The following EBF1 variants were observed in gnomAD, a reference collection of about 807,000 sequenced individuals.
The protein encoded by EBF1 is EBF transcription factor 1.
A neutral mutation model predicts 68.4 loss-of-function variants in EBF1; 10 were observed. The ratio of observed to expected loss-of-function variants is 0.15; its 90% confidence interval spans 0.09 to 0.25. The LOEUF is 0.25. Among genes scored for constraint, EBF1 ranks in the 10% least tolerant of loss-of-function variants. The pLI is 1.00. For synonymous variants in EBF1, 298 were observed against 299.8 expected (o/e 0.99, Z 0.06); for missense variants, 509 against 794.4 (o/e 0.64, Z 4.32).
At chr5:158,797,657 C>T (rs1779827371) in intron 8 of EBF1, among the ~76,000 whole-genome samples, 1 of 152,136 alleles carries the variant, frequency 6.6e-6, no homozygotes, top group Non-Finnish European at 1.5e-5. Context: ...AATATTAAGT[C>T]CAGCCCGGTG....
intron 9 of EBF1, among the ~76,000 whole-genome samples, chr5:158,779,333 G>A (rs1775940374): frequency 6.6e-6 from 1 of 152,022 alleles, no homozygotes. Flanking sequence ...CAACACTGAT[G>A]CAGTTCAAAA....
intron 6 of EBF1, among the ~76,000 whole-genome samples, chr5:158,919,835 A>G (rs1435317091): frequency 6.6e-6 from 1 of 152,238 alleles, no homozygotes; most frequent in Non-Finnish European, 1.5e-5. Context: ...ACAGATAGGA[A>G]TCTGAAGTTT....
chr5:158,761,434 T>C (rs531842775), intron 10 of EBF1, among the ~76,000 whole-genome samples: 1 of 152,240 alleles, frequency 6.6e-6, no homozygotes, highest in South Asian at 2.1e-4. Context: ...GTTAATTCTA[T>C]GCTTCCTATG....
intron 6 of EBF1, among the ~76,000 whole-genome samples, chr5:158,893,256 C>A (rs988437896): frequency 6.6e-6 from 1 of 152,088 alleles, no homozygotes; most frequent in African/African-American, 2.4e-5. Flanking sequence ...TTTTTCTCTT[C>A]CCCTGGTTAT....
At position 159,012,105 on chromosome 5, in the gene EBF1, G is replaced by A. The variant is rs187948211; in HGVS notation, c.554+61291C>T. ...AGTTCAAGACCAACCTGGCCAACAT[G>A]GTGAAACCCCATCTCTACTAAAAAT... On this transcript the variant is annotated intron_variant, in intron 6 of 15. Coordinates refer to ENST00000313708, the MANE Select transcript of EBF1 (RefSeq NM_024007.5). 5.1e-3 allele frequency among the ~76,000 whole-genome samples: 779 copies of A among 152,158 alleles called. 5 individuals are homozygous for A. Among genetic ancestry groups the A allele is most frequent in the Non-Finnish European group, 8.2e-3 (560 of 67,998 alleles).
rs189605617 is a variant in EBF1, at chr5:159,070,948, G to A, written c.554+2448C>T. Reference sequence around the variant, plus strand: ...ATTGGAAACTATGAAATTCAAACACGGTTGCCATCATTTTTTCCCCTTTGC... The same window carrying A: ...ATTGGAAACTATGAAATTCAAACACAGTTGCCATCATTTTTTCCCCTTTGC... On this transcript the variant is annotated intron_variant, in intron 6 of 15. Coordinates refer to ENST00000313708, the MANE Select transcript of EBF1 (RefSeq NM_024007.5). Among the ~76,000 whole-genome samples the A allele has an allele frequency of 1.5e-4, 23 of 152,150 alleles. 1 individual carries two copies. The Middle Eastern group carries it at 0.014, about 90-fold the overall frequency.
intron 6 of EBF1, among the ~76,000 whole-genome samples, chr5:158,977,069 GT>G (rs1370689309): frequency 1.3e-5 from 2 of 152,144 alleles, no homozygotes; most frequent in African/African-American, 4.8e-5. Flanking sequence ...AGAAGCTCTT[GT>G]TGGGAAATTT....
At chr5:159,053,856 T>A (rs953855859) in intron 6 of EBF1, among the ~76,000 whole-genome samples, 2 of 152,208 alleles carry the variant, frequency 1.3e-5, no homozygotes, top group Admixed American at 1.3e-4. Context: ...CCATTGTATA[T>A]TTGCTCCTAA....
intron 6 of EBF1, among the ~76,000 whole-genome samples, chr5:158,951,196 A>C (rs1402813560): frequency 6.6e-6 from 1 of 152,220 alleles, no homozygotes; most frequent in Non-Finnish European, 1.5e-5. Flanking sequence ...CAAATTGACT[A>C]TAAACACTTT....
intron 6 of EBF1, among the ~76,000 whole-genome samples, chr5:159,057,831 T>C (rs915488566): frequency 2.0e-5 from 3 of 152,226 alleles, no homozygotes; most frequent in African/African-American, 7.2e-5. Context: ...CTAGCTAGGC[T>C]ATGTATTAGC....
At chr5:159,020,540 C>A (rs1766480388) in intron 6 of EBF1, among the ~76,000 whole-genome samples, 1 of 152,190 alleles carries the variant, frequency 6.6e-6, no homozygotes, top group Non-Finnish European at 1.5e-5. Flanking sequence ...CTCCTCCTTC[C>A]TGCAGTTCTG....
chr5:159,017,536 G>C (rs1368967860), intron 6 of EBF1, among the ~76,000 whole-genome samples: 1 of 152,190 alleles, frequency 6.6e-6, no homozygotes, highest in African/African-American at 2.4e-5. Context: ...ACATATCCCA[G>C]TAGGTCTAAT....
At chr5:159,027,429 T>C (rs1767924164) in intron 6 of EBF1, among the ~76,000 whole-genome samples, 1 of 152,346 alleles carries the variant, frequency 6.6e-6, no homozygotes, top group African/African-American at 2.4e-5. Flanking sequence ...TGCCCTAACA[T>C]ACCCTCTCCT....
chr5:158,754,347 A>T (rs898222449), intron 10 of EBF1, among the ~76,000 whole-genome samples: 4 of 152,108 alleles, frequency 2.6e-5, no homozygotes, highest in Non-Finnish European at 1.5e-5. Flanking sequence ...TGCAACCCTC[A>T]GGCAATGACT....
intron 15 of EBF1, among the ~76,000 whole-genome samples, chr5:158,702,320 T>C (rs912506611): frequency 4.6e-5 from 7 of 151,870 alleles, no homozygotes; most frequent in African/African-American, 7.3e-5. Context: ...AGCAATGCCA[T>C]TGGCATGCTA....
intron 6 of EBF1, among the ~76,000 whole-genome samples, chr5:158,858,744 CTATATTTCACA>C (rs1794489899): frequency 6.6e-6 from 1 of 152,152 alleles, no homozygotes; most frequent in African/African-American, 2.4e-5. Flanking sequence ...AAACGTGCCT[CTATATTTCACA>C]TCAAGGCAGC....
intron 10 of EBF1, among the ~76,000 whole-genome samples, chr5:158,737,317 TCC>T (rs1561786107): frequency 8.1e-6 from 1 of 123,888 alleles, no homozygotes. Flanking sequence ...GGAGTCTCGC[TCC>T]GTCGCCCAGG....
chr5:158,718,679 C>T (rs941649110), intron 11 of EBF1, among the ~76,000 whole-genome samples: 1 of 152,174 alleles, frequency 6.6e-6, no homozygotes, highest in South Asian at 2.1e-4. Flanking sequence ...AGTGGCTGAG[C>T]ATGGATTCAA....
At chr5:159,053,341 A>G (rs1774160747) in intron 6 of EBF1, among the ~76,000 whole-genome samples, 1 of 152,218 alleles carries the variant, frequency 6.6e-6, no homozygotes, top group African/African-American at 2.4e-5. Context: ...GGCTTCATAA[A>G]TGGTTAGTTA....
Sources: gnomAD v4.1 joint callset for allele counts (sites outside exome capture counted in the v4.1 genomes callset) on GRCh38, gnomAD v4.1.1 for gene constraint, MANE v1.5 for transcripts, NCBI Gene and HGNC (gene_info 2026-07-23, HGNC 2026-07-21) for gene names.